The following NDUFAF2 variants were observed in gnomAD, a reference collection of about 807,000 sequenced individuals.
NDUFAF2 encodes NADH dehydrogenase [ubiquinone] 1 alpha subcomplex assembly factor 2.
NDUFAF2 carries 13 observed loss-of-function variants against 22.8 expected under a neutral mutation model. That is an observed-to-expected ratio of 0.57 (90% CI 0.37 to 0.91). The LOEUF (loss-of-function observed/expected upper bound fraction) is 0.91, where lower values mean the gene tolerates loss of function less well. NDUFAF2 is among the 40% of genes least tolerant of loss of function. NDUFAF2 has a pLI of 0.01. For synonymous variants in NDUFAF2, 53 were observed against 64.2 expected (o/e 0.83, Z 0.84); for missense variants, 162 against 195.2 (o/e 0.83, Z 1.01).
intron 1 of NDUFAF2, among the ~76,000 whole-genome samples, chr5:60,974,957 A>C (rs1450504679): frequency 6.6e-6 from 1 of 152,054 alleles, no homozygotes; most frequent in Non-Finnish European, 1.5e-5. Flanking sequence ...CTGAGATTAC[A>C]GGTGCACACC....
At chr5:61,057,358 C>A (rs1472831289) in intron 1 of NDUFAF2, among the ~76,000 whole-genome samples, 1 of 152,112 alleles carries the variant, frequency 6.6e-6, no homozygotes, top group Non-Finnish European at 1.5e-5. Context: ...GTCTTACAAC[C>A]AGTTACTCAG....
At chr5:61,114,229 C>T (rs1469459742) in intron 3 of NDUFAF2, among the ~76,000 whole-genome samples, 1 of 151,888 alleles carries the variant, frequency 6.6e-6, no homozygotes, top group Non-Finnish European at 1.5e-5. Flanking sequence ...TCTTTTTTCT[C>T]TTGTCTCCTC....
At chr5:61,100,122 TG>T (rs35994261) in intron 3 of NDUFAF2, among the ~76,000 whole-genome samples, 91,199 of 151,748 alleles carry the variant, frequency 0.6, 28,162 homozygotes, top group East Asian at 0.94. Context: ...AAAGCTGTTT[TG>T]GGGGGAAAAA....
At chr5:61,151,934 T>C (rs1293418958) in intron 3 of NDUFAF2, among the ~76,000 whole-genome samples, 3 of 152,194 alleles carry the variant, frequency 2.0e-5, no homozygotes, top group Admixed American at 2.0e-4. Flanking sequence ...TCTGAAACTA[T>C]GTGTGGAATT....
At chr5:61,132,937 A>G (rs1241664960) in intron 3 of NDUFAF2, among the ~76,000 whole-genome samples, 1 of 151,918 alleles carries the variant, frequency 6.6e-6, no homozygotes. Context: ...CACCTTCTCC[A>G]ATCCCATAAT....
chr5:61,122,079 C>G (rs566826628), intron 3 of NDUFAF2, among the ~76,000 whole-genome samples: 1 of 152,224 alleles, frequency 6.6e-6, no homozygotes, highest in East Asian at 1.9e-4. Flanking sequence ...ATCTACCCAC[C>G]TTGGCCTCAC....
intron 1 of NDUFAF2, among the ~76,000 whole-genome samples, chr5:60,947,186 G>A (rs1750473128): frequency 6.6e-6 from 1 of 152,142 alleles, no homozygotes; most frequent in African/African-American, 2.4e-5. Context: ...AACTTTATGA[G>A]AAACTACCAA....
chr5:60,961,454 G>A (rs1417954752), intron 1 of NDUFAF2, among the ~76,000 whole-genome samples: 1 of 152,034 alleles, frequency 6.6e-6, no homozygotes, highest in Admixed American at 6.5e-5. Context: ...AATTAGCCGG[G>A]CATGGTGGCG....
At chr5:61,091,472 G>C (rs763586617) in intron 2 of NDUFAF2, among the ~76,000 whole-genome samples, 1 of 152,116 alleles carries the variant, frequency 6.6e-6, no homozygotes, top group Non-Finnish European at 1.5e-5. Flanking sequence ...GTCTTCTTTT[G>C]AGAAGCGTCT....
At chr5:61,025,367 T>C (rs1751636355) in intron 1 of NDUFAF2, among the ~76,000 whole-genome samples, 1 of 150,196 alleles carries the variant, frequency 6.7e-6, no homozygotes, top group African/African-American at 2.4e-5. Flanking sequence ...CTATGAATTA[T>C]TTTGTTAGTA....
At chr5:61,056,919 A>AAAAAT (rs1752105032) in intron 1 of NDUFAF2, among the ~76,000 whole-genome samples, 1 of 28,810 alleles carries the variant, frequency 3.5e-5, no homozygotes, top group Non-Finnish European at 5.8e-5. Context: ...AAAAAAAAAA[A>AAAAAT]ATATATATAT....
chr5:60,946,273 A>G (rs1419979761), intron 1 of NDUFAF2, among the ~76,000 whole-genome samples: 1 of 152,178 alleles, frequency 6.6e-6, no homozygotes, highest in Admixed American at 6.5e-5. Context: ...CGGAAAAAGT[A>G]CTTGTCCTCT....
intron 2 of NDUFAF2, among the ~76,000 whole-genome samples, chr5:61,098,456 C>A (rs1371773784): frequency 6.6e-6 from 1 of 152,224 alleles, no homozygotes; most frequent in East Asian, 1.9e-4. Context: ...CAAATGTGGG[C>A]TCTATCTCTG....
chr5:61,088,332 G>A lies in NDUFAF2; in HGVS notation c.218-10660G>A, dbSNP rs544892040. Among the ~76,000 whole-genome samples the A allele has an allele frequency of 2.0e-4, 30 of 152,076 alleles. 1 individual carries two copies. The South Asian group carries it at 5.6e-3, about 28-fold the overall frequency. ...GTGTTCTTATAATTAGAATTCATGG[G>A]TCCTACCCTCATTCAAGGAGAAGAG... On this transcript the variant is annotated intron_variant, in intron 2 of 3. Transcript: ENST00000296597.
intron 1 of NDUFAF2, among the ~76,000 whole-genome samples, chr5:61,068,683 A>G (rs1752259189): frequency 6.6e-6 from 1 of 152,034 alleles, no homozygotes; most frequent in African/African-American, 2.4e-5. Flanking sequence ...TATTATTAGG[A>G]TTAAGTTAAT....
At chr5:61,077,370 G>A (rs1302779454) in intron 2 of NDUFAF2, among the ~76,000 whole-genome samples, 1 of 152,144 alleles carries the variant, frequency 6.6e-6, no homozygotes. Context: ...ATATCAAGGA[G>A]GAAGAAGTAA....
intron 1 of NDUFAF2, among the ~76,000 whole-genome samples, chr5:60,984,678 T>C (rs532538228): frequency 2.6e-4 from 40 of 152,226 alleles, no homozygotes; most frequent in Non-Finnish European, 5.0e-4. Context: ...TTGGTTCTGT[T>C]TATATGCTGG....
intron 1 of NDUFAF2, among the ~76,000 whole-genome samples, chr5:61,012,757 A>G (rs1751457826): frequency 6.6e-6 from 1 of 152,064 alleles, no homozygotes; most frequent in Non-Finnish European, 1.5e-5. Context: ...GTTTAATAGA[A>G]TTTTTAGCTT....
chr5:61,126,919 A>G (rs1300976598), intron 3 of NDUFAF2, among the ~76,000 whole-genome samples: 1 of 152,184 alleles, frequency 6.6e-6, no homozygotes, highest in Non-Finnish European at 1.5e-5. Context: ...AGAGAGAAGA[A>G]TCAAATAAAC....
Sources: gnomAD v4.1 joint callset for allele counts (sites outside exome capture counted in the v4.1 genomes callset) on GRCh38, gnomAD v4.1.1 for gene constraint, MANE v1.5 for transcripts, NCBI Gene and HGNC (gene_info 2026-07-23, HGNC 2026-07-21) for gene names.